The following PTPRG variants were observed in gnomAD, a reference collection of about 807,000 sequenced individuals.
The protein encoded by PTPRG is protein tyrosine phosphatase receptor type G.
Under a neutral mutation model 165.3 loss-of-function variants are expected in PTPRG, and 102 were observed. The ratio of observed to expected loss-of-function variants is 0.62; its 90% confidence interval spans 0.53 to 0.73. The LOEUF (loss-of-function observed/expected upper bound fraction) is 0.73, where lower values mean the gene tolerates loss of function less well. Among genes scored for constraint, PTPRG ranks in the 30% least tolerant of loss-of-function variants. PTPRG has a pLI of 0.00. For synonymous variants in PTPRG, 675 were observed against 669.5 expected (o/e 1.01, Z -0.13); for missense variants, 1,866 against 1,861.4 (o/e 1.00, Z -0.05).
chr3:61,957,410 C>T (rs1337713423), intron 2 of PTPRG, among the ~76,000 whole-genome samples: 2 of 152,224 alleles, frequency 1.3e-5, no homozygotes, highest in Non-Finnish European at 2.9e-5. Context: ...TTGCCATCTG[C>T]TCCACTTCTT....
chr3:61,728,860 G>T (rs2032369260), intron 1 of PTPRG, among the ~76,000 whole-genome samples: 2 of 135,048 alleles, frequency 1.5e-5, no homozygotes, highest in Admixed American at 7.9e-5. Context: ...ATCACAGTGA[G>T]ACCTAATCTG....
At chr3:62,178,121 C>G (rs992956300) in intron 8 of PTPRG, among the ~76,000 whole-genome samples, 1 of 147,060 alleles carries the variant, frequency 6.8e-6, no homozygotes, top group African/African-American at 2.5e-5. Flanking sequence ...ATGTGTGGAT[C>G]CACAAATGGA....
At chr3:61,929,831 T>A (rs1177130201) in intron 2 of PTPRG, among the ~76,000 whole-genome samples, 1 of 152,222 alleles carries the variant, frequency 6.6e-6, no homozygotes, top group African/African-American at 2.4e-5. Context: ...CTTTCACATG[T>A]GCAGTTGATT....
chr3:62,204,037 T>C (rs1236249067), intron 12 of PTPRG, 87 bp downstream of exon 12: 14 of 1,485,072 alleles, frequency 9.4e-6, no homozygotes, highest in Non-Finnish European at 1.3e-5. Context: ...AAGGTGAAGC[T>C]TCAGAAGGTA....
intron 8 of PTPRG, among the ~76,000 whole-genome samples, chr3:62,188,321 G>A (rs1171240797): frequency 6.6e-6 from 1 of 152,176 alleles, no homozygotes; most frequent in African/African-American, 2.4e-5. Context: ...GCTGCAGTGA[G>A]CCATGATCCA....
chr3:61,968,217 G>A (rs1482039777), intron 2 of PTPRG, among the ~76,000 whole-genome samples: 3 of 152,158 alleles, frequency 2.0e-5, no homozygotes, highest in Non-Finnish European at 4.4e-5. Context: ...CAAGTGTGGT[G>A]TGATGGTTTA....
chr3:61,577,484 A>G (rs1184712906), intron 1 of PTPRG, among the ~76,000 whole-genome samples: 1 of 152,170 alleles, frequency 6.6e-6, no homozygotes, highest in African/African-American at 2.4e-5. Flanking sequence ...TAAAATATAC[A>G]CCAGATTTCA....
chr3:61,628,212 T>A (rs1469224333), intron 1 of PTPRG, among the ~76,000 whole-genome samples: 1 of 152,204 alleles, frequency 6.6e-6, no homozygotes, highest in Admixed American at 6.5e-5. Flanking sequence ...ATGTGGCTCT[T>A]TTGTTTAACT....
chr3:61,622,316 C>T (rs1701482586), intron 1 of PTPRG, among the ~76,000 whole-genome samples: 1 of 152,088 alleles, frequency 6.6e-6, no homozygotes, highest in Non-Finnish European at 1.5e-5. Context: ...TGAAATTGCA[C>T]AAGGTAAAGA....
chr3:61,694,767 CA>C (rs1267641910), intron 1 of PTPRG, among the ~76,000 whole-genome samples: 1 of 152,062 alleles, frequency 6.6e-6, no homozygotes, highest in Non-Finnish European at 1.5e-5. Flanking sequence ...AATGATTTTC[CA>C]TCTATATACT....
chr3:61,822,959 AAG>A (rs1349987989), intron 2 of PTPRG, among the ~76,000 whole-genome samples: 2 of 152,172 alleles, frequency 1.3e-5, no homozygotes, highest in Admixed American at 6.5e-5. Context: ...TTTTCTGGGA[AAG>A]AGAGGAACAA....
intron 4 of PTPRG, among the ~76,000 whole-genome samples, chr3:62,009,936 A>G (rs939592826): frequency 4.6e-5 from 7 of 152,186 alleles, no homozygotes; most frequent in African/African-American, 1.7e-4. Context: ...GCATGTATGA[A>G]TGACAAGGTC....
At chr3:61,952,118 GAAAAAAAAAAAAA>G (rs35655816) in intron 2 of PTPRG, among the ~76,000 whole-genome samples, 1 of 79,692 alleles carries the variant, frequency 1.3e-5, no homozygotes, top group Non-Finnish European at 2.4e-5. Context: ...CTCCACCTCA[GAAAAAAAAAAAAA>G]AAAAAAAAAA....
At chr3:61,745,840 T>C (rs1376555876) in intron 1 of PTPRG, among the ~76,000 whole-genome samples, 1 of 152,154 alleles carries the variant, frequency 6.6e-6, no homozygotes, top group Non-Finnish European at 1.5e-5. Context: ...GAGAAATTTA[T>C]GACCAGGATT....
intron 1 of PTPRG, among the ~76,000 whole-genome samples, chr3:61,722,812 A>G (rs1185656280): frequency 6.0e-4 from 92 of 152,344 alleles, no homozygotes; most frequent in Non-Finnish European, 2.9e-5. Context: ...TCTGGCACAC[A>G]GGATGCCTAA....
chr3:62,144,989 C>T (rs1340039923), intron 6 of PTPRG, among the ~76,000 whole-genome samples: 1 of 151,870 alleles, frequency 6.6e-6, no homozygotes, highest in Non-Finnish European at 1.5e-5. Flanking sequence ...CTGCTTGTTT[C>T]AGTGGGATGT....
chr3:61,585,786 A>G (rs1700421111), intron 1 of PTPRG, among the ~76,000 whole-genome samples: 1 of 152,222 alleles, frequency 6.6e-6, no homozygotes, highest in Non-Finnish European at 1.5e-5. Context: ...AAATATTAAA[A>G]CATCTTTTAT....
At chr3:61,840,779 T>TATG (rs2036606288) in intron 2 of PTPRG, among the ~76,000 whole-genome samples, 1 of 116,620 alleles carries the variant, frequency 8.6e-6, no homozygotes, top group South Asian at 3.0e-4. Context: ...TTTTTGTTTG[T>TATG]TTGTTTTTTT....
intron 2 of PTPRG, among the ~76,000 whole-genome samples, chr3:61,962,182 A>T (rs2040167402): frequency 6.6e-6 from 1 of 152,226 alleles, no homozygotes; most frequent in Admixed American, 6.5e-5. Context: ...ATGTGTCTCT[A>T]AGAATATGTT....
Sources: gnomAD v4.1 joint callset for allele counts (sites outside exome capture counted in the v4.1 genomes callset) on GRCh38, gnomAD v4.1.1 for gene constraint, MANE v1.5 for transcripts, NCBI Gene and HGNC (gene_info 2026-07-23, HGNC 2026-07-21) for gene names.